BACH2: variants seen among roughly 807,000 people sequenced by gnomAD.
The protein encoded by BACH2 is transcription regulator protein BACH2.
A neutral mutation model predicts 61.8 loss-of-function variants in BACH2; 5 were observed. The observed-to-expected ratio is 0.08, with a 90% CI of 0.04 to 0.17. The LOEUF is 0.17. Ranked by LOEUF, BACH2 falls within the 10% of genes least tolerant of loss-of-function variation. The pLI, the probability that BACH2 is intolerant of heterozygous loss-of-function variation, is 1.00. For synonymous variants in BACH2, 446 were observed against 440.1 expected, an observed-to-expected ratio of 1.01 and a Z score of -0.17; for missense variants, 824 against 1,091.1, an observed-to-expected ratio of 0.76 and a Z score of 3.45.
chr6:89,995,228 C>T (rs1181593756), intron 6 of BACH2, among the ~76,000 whole-genome samples: 5 of 151,988 alleles, frequency 3.3e-5, no homozygotes, highest in Non-Finnish European at 7.4e-5. Context: ...GTAGAATTAC[C>T]CTCACCCTCC....
chr6:89,948,503 C>T (rs571541749), intron 7 of BACH2, among the ~76,000 whole-genome samples: 3 of 152,280 alleles, frequency 2.0e-5, no homozygotes, highest in East Asian at 1.9e-4. Flanking sequence ...CCACCATGCC[C>T]GGCCCCAGGC....
intron 5 of BACH2, among the ~76,000 whole-genome samples, chr6:90,030,395 T>G (rs907498883): frequency 6.6e-6 from 1 of 151,940 alleles, no homozygotes; most frequent in African/African-American, 2.4e-5. Flanking sequence ...TTTCTGATTT[T>G]CGAATGAAAA....
chr6:89,990,318 T>C lies in BACH2; in HGVS notation c.243+18284A>G, dbSNP rs1178731322. On this transcript the variant is annotated intron_variant, in intron 6 of 8. Coordinates refer to ENST00000257749, the MANE Select transcript of BACH2 (RefSeq NM_021813.4). ...TGAAAAAATTCTATTGAAAGAGTTTTTGTAAGGCAAACTCCTAATTATCCT... is the reference window on the plus strand; with the variant it reads ...TGAAAAAATTCTATTGAAAGAGTTTCTGTAAGGCAAACTCCTAATTATCCT... 2.6e-5 allele frequency among the ~76,000 whole-genome samples: 4 copies of C among 152,336 alleles called. No individual in the cohort carries two copies. The South Asian group carries it at 8.3e-4, about 32-fold the overall frequency.
In BACH2 at chr6:90,296,799, T is replaced by TGCC. The variant is rs528276448; in HGVS notation, c.-766_-765insGGC. ...CGTGCACGGCCGCTGCTGCCGCTGC[T>TGCC]GCTGCTGCTGCTGCTGCTGAGGCGG... On this transcript the variant is annotated 5_prime_UTR_variant, in exon 1 of 9. Coordinates refer to ENST00000257749, the MANE Select transcript of BACH2 (RefSeq NM_021813.4). 99 of 158,762 alleles carry TGCC rather than the reference T, an allele frequency of 6.2e-4. No individual in the cohort carries two copies. The highest frequency in any genetic ancestry group is 2.3e-3 in the African/African-American group (93 of 40,612). 9.8% of individuals were successfully genotyped at this position (158,762 alleles called of 1,614,324 possible).
intron 4 of BACH2, among the ~76,000 whole-genome samples, chr6:90,108,915 T>C (rs561158039): frequency 1.3e-5 from 2 of 152,302 alleles, no homozygotes; most frequent in African/African-American, 2.4e-5. Flanking sequence ...ATTCTTGAGC[T>C]CTGGATCCCA....
chr6:90,057,490 G>C (rs560034177), intron 5 of BACH2, among the ~76,000 whole-genome samples: 9 of 152,028 alleles, frequency 5.9e-5, no homozygotes, highest in South Asian at 4.2e-4. Context: ...AATAGCTTAC[G>C]AACCAAAAAA....
At chr6:90,046,267 T>C (rs544904790) in intron 5 of BACH2, among the ~76,000 whole-genome samples, 2 of 152,284 alleles carry the variant, frequency 1.3e-5, no homozygotes, top group South Asian at 4.1e-4. Flanking sequence ...TAAGAAACAT[T>C]TAGTATGTGT....
At position 89,967,631 on chromosome 6, in the gene BACH2, C is replaced by T. The variant is rs1444580131; in HGVS notation, c.244-15769G>A. Among the ~76,000 whole-genome samples, 4 of 152,196 alleles carry T rather than the reference C, an allele frequency of 2.6e-5. No homozygotes were observed. In the South Asian group the frequency reaches 8.3e-4, roughly 31 times the overall value. ...CGTAGCTTTGAAAACCTCAACTAAG[C>T]TAGCAGGTGTCTGGATGGCATCGTC... is the stretch of plus-strand genomic sequence containing the variant. On this transcript the variant is annotated intron_variant, in intron 6 of 8. Transcript: ENST00000257749.
At chr6:90,096,792 C>T (rs1318883136) in intron 4 of BACH2, among the ~76,000 whole-genome samples, 1 of 152,216 alleles carries the variant, frequency 6.6e-6, no homozygotes, top group African/African-American at 2.4e-5. Flanking sequence ...CACCTCCTGA[C>T]ATAGCCTCTT....
In BACH2 at chr6:90,092,292, ATATAT is replaced by A. The variant is rs1258373410; in HGVS notation, c.-161-3188_-161-3184del. 4.2e-4 allele frequency among the ~76,000 whole-genome samples: 42 copies of A among 98,912 alleles called. 1 individual carries two copies. Among genetic ancestry groups the A allele is most frequent in the South Asian group, 7.8e-4 (2 of 2,566 alleles). 64.9% of individuals were successfully genotyped at this position (98,912 alleles called of 152,430 possible). A position where few individuals can be genotyped will look rare whatever the true frequency, so the allele number is the denominator to read the frequency against. ...CACACTGTCAAAGTAAAAAAAAAAA[ATATAT>A]ATATATATATATATATATACACACA... is the stretch of plus-strand genomic sequence containing the variant. On this transcript the variant is annotated intron_variant, in intron 4 of 8. Transcript: ENST00000257749.
chr6:90,034,188 CG>C lies in BACH2; in HGVS notation c.-12-25333del, dbSNP rs1423120829. ...CTGATACACAGAGAAGCATACCAAC[CG>C]TATCTAATGTATTAGCCTGATATTA... On this transcript the variant is annotated intron_variant, in intron 5 of 8. Transcript: ENST00000257749. 3.9e-5 allele frequency among the ~76,000 whole-genome samples: 6 copies of C among 152,224 alleles called. No individual in the cohort carries two copies. In the East Asian group the frequency reaches 1.2e-3, roughly 29 times the overall value.
chr6:90,082,445 G>T (rs1281521655), intron 5 of BACH2, among the ~76,000 whole-genome samples: 1 of 151,540 alleles, frequency 6.6e-6, no homozygotes, highest in Non-Finnish European at 1.5e-5. Flanking sequence ...ATAATTAGAA[G>T]GAAGAAAAAA....
At chr6:90,029,481 T>A (rs1778835003) in intron 5 of BACH2, among the ~76,000 whole-genome samples, 1 of 152,110 alleles carries the variant, frequency 6.6e-6, no homozygotes, top group African/African-American at 2.4e-5. Flanking sequence ...GCCTCCCACC[T>A]CACTCTCCAT....
chr6:90,117,876 C>T (rs1009156955), intron 4 of BACH2, among the ~76,000 whole-genome samples: 4 of 152,088 alleles, frequency 2.6e-5, no homozygotes, highest in South Asian at 2.1e-4. Flanking sequence ...TCGTACCAAG[C>T]GAGAATAAAC....
At chr6:90,002,200 G>A (rs1777168971) in intron 6 of BACH2, among the ~76,000 whole-genome samples, 1 of 152,164 alleles carries the variant, frequency 6.6e-6, no homozygotes, top group African/African-American at 2.4e-5. Flanking sequence ...CCTCAGGCTT[G>A]CTCCTTCTTG....
At chr6:89,998,168 ATT>A (rs60871134) in intron 6 of BACH2, among the ~76,000 whole-genome samples, 8 of 150,308 alleles carry the variant, frequency 5.3e-5, no homozygotes, top group East Asian at 2.0e-4. Flanking sequence ...AAATCCCAGC[ATT>A]TTTTTTTTTC....
At chr6:90,029,075 G>C (rs1178119106) in intron 5 of BACH2, among the ~76,000 whole-genome samples, 1 of 152,118 alleles carries the variant, frequency 6.6e-6, no homozygotes, top group African/African-American at 2.4e-5. Context: ...CTTCACGTAA[G>C]TATTTCCTGC....
intron 4 of BACH2, among the ~76,000 whole-genome samples, chr6:90,092,218 G>A (rs1782186813): frequency 6.8e-6 from 1 of 147,040 alleles, no homozygotes; most frequent in South Asian, 2.2e-4. Flanking sequence ...AATATACTTC[G>A]AAGCAACCCA....
chr6:90,278,196 C>T (rs924494785), intron 1 of BACH2, among the ~76,000 whole-genome samples: 3 of 152,234 alleles, frequency 2.0e-5, no homozygotes, highest in Non-Finnish European at 4.4e-5. Flanking sequence ...ATTCTACTCA[C>T]AGCTCACAGT....
Sources: gnomAD v4.1 joint callset for allele counts (sites outside exome capture counted in the v4.1 genomes callset) on GRCh38, gnomAD v4.1.1 for gene constraint, MANE v1.5 for transcripts, NCBI Gene and HGNC (gene_info 2026-07-23, HGNC 2026-07-21) for gene names.